The following SPMIP7 variants were observed in gnomAD, a reference collection of about 807,000 sequenced individuals.
SPMIP7 encodes the protein sperm microtubule inner protein 7.
chr7:50,096,952 G>A, the SPMIP7 span, among the ~76,000 whole-genome samples: 1 of 152,144 alleles, frequency 6.6e-6, no homozygotes, highest in African/African-American at 2.4e-5. Context: ...TAATTGTATA[G>A]AAATCCTCCT....
the SPMIP7 span, among the ~76,000 whole-genome samples, chr7:50,148,056 C>A: frequency 2.0e-5 from 3 of 152,310 alleles, no homozygotes; most frequent in African/African-American, 7.2e-5. Flanking sequence ...CTATCAGCAG[C>A]AGTCTAAAGT....
At chr7:50,147,988 C>T in the SPMIP7 span, among the ~76,000 whole-genome samples, 50 of 152,310 alleles carry the variant, frequency 3.3e-4, no homozygotes, top group Non-Finnish European at 5.4e-4. Context: ...CATTTCCCGG[C>T]TTGTATGTTT....
the SPMIP7 span, chr7:50,158,999 T>C: frequency 1.2e-5 from 19 of 1,541,060 alleles, no homozygotes; most frequent in East Asian, 2.5e-5. Flanking sequence ...TATTTGTACA[T>C]GTCTTTTATG....
chr7:50,121,461 C>T, the SPMIP7 span: 1 of 152,158 alleles, frequency 6.6e-6, no homozygotes, highest in African/African-American at 2.4e-5. Context: ...AGATGTTAAA[C>T]TAAGGCAAAC....
At chr7:50,096,146 T>G in the SPMIP7 span, 18 of 1,547,978 alleles carry the variant, frequency 1.2e-5, no homozygotes, top group African/African-American at 4.1e-5. Context: ...GTCCATCCTT[T>G]CAGGAACTGT....
the SPMIP7 span, among the ~76,000 whole-genome samples, chr7:50,098,674 A>C: frequency 6.6e-6 from 1 of 152,206 alleles, no homozygotes; most frequent in Non-Finnish European, 1.5e-5. Context: ...TTTTCCTTGC[A>C]TCCTCAGAGA....
chr7:50,115,401 C>T, the SPMIP7 span, among the ~76,000 whole-genome samples: 1 of 151,474 alleles, frequency 6.6e-6, no homozygotes, highest in Admixed American at 6.6e-5. Flanking sequence ...GAAAGGTAGA[C>T]AGAAAAAAAG....
At chr7:50,122,851 T>C in the SPMIP7 span, among the ~76,000 whole-genome samples, 2 of 152,054 alleles carry the variant, frequency 1.3e-5, no homozygotes, top group Non-Finnish European at 2.9e-5. Flanking sequence ...CAAATGCAAA[T>C]CAAAACCACA....
the SPMIP7 span, among the ~76,000 whole-genome samples, chr7:50,098,839 G>GGA: frequency 4.2e-4 from 2 of 4,818 alleles, no homozygotes; most frequent in African/African-American, 1.2e-3. Flanking sequence ...ACACGAATCT[G>GGA]GGGGGATACA....
At chr7:50,096,503 C>A in the SPMIP7 span, 1 of 1,551,784 alleles carries the variant, frequency 6.4e-7, no homozygotes, top group African/African-American at 1.4e-5. Flanking sequence ...GAAACCTCAA[C>A]ATCGAGTTCC....
the SPMIP7 span, among the ~76,000 whole-genome samples, chr7:50,150,176 G>T: frequency 1.9e-3 from 292 of 152,306 alleles, no homozygotes; most frequent in African/African-American, 6.6e-3. Flanking sequence ...CGTGTGGGAA[G>T]GTCATGGATA....
At chr7:50,135,763 AG>A in the SPMIP7 span, among the ~76,000 whole-genome samples, 1 of 152,318 alleles carries the variant, frequency 6.6e-6, no homozygotes, top group South Asian at 2.1e-4. Context: ...GGGTTTGCAG[AG>A]GGTAGACTAC....
the SPMIP7 span, among the ~76,000 whole-genome samples, chr7:50,104,839 C>T: frequency 1.3e-5 from 2 of 152,322 alleles, no homozygotes; most frequent in African/African-American, 4.8e-5. Context: ...TCTCCAGCTG[C>T]ATTCTCACTA....
At chr7:50,140,148 C>T in the SPMIP7 span, 1 of 1,503,826 alleles carries the variant, frequency 6.6e-7, no homozygotes, top group Non-Finnish European at 8.9e-7. Context: ...AGTGTGAGTT[C>T]AAGTTCTAGA....
chr7:50,143,176 T>C, the SPMIP7 span, among the ~76,000 whole-genome samples: 4 of 150,608 alleles, frequency 2.7e-5, no homozygotes, highest in South Asian at 4.3e-4. Context: ...TTTTTTTTTT[T>C]TTTTTGAGAC....
At chr7:50,139,012 A>C in the SPMIP7 span, among the ~76,000 whole-genome samples, 1 of 152,206 alleles carries the variant, frequency 6.6e-6, no homozygotes, top group Non-Finnish European at 1.5e-5. Context: ...CCAACGTGTA[A>C]ATTGAATGGT....
the SPMIP7 span, chr7:50,151,602 G>A: frequency 1.6e-6 from 2 of 1,286,944 alleles, no homozygotes; most frequent in Admixed American, 4.3e-5. Context: ...TACATTAGGA[G>A]GGGAAATCCT....
the SPMIP7 span, among the ~76,000 whole-genome samples, chr7:50,106,173 A>G: frequency 1.3e-5 from 2 of 152,220 alleles, no homozygotes; most frequent in African/African-American, 4.8e-5. Flanking sequence ...CTAATAAGGT[A>G]GAGAGAAATT....
the SPMIP7 span, among the ~76,000 whole-genome samples, chr7:50,125,598 G>A: frequency 2.0e-5 from 3 of 150,100 alleles, no homozygotes; most frequent in Non-Finnish European, 1.5e-5. Context: ...GTGTGTGTGT[G>A]TGTGTGTGTG....
Sources: allele counts gnomAD v4.1 joint callset (sites outside exome capture counted in the v4.1 genomes callset), GRCh38; gene constraint gnomAD v4.1.1; transcripts MANE v1.5; gene names NCBI Gene and HGNC (gene_info 2026-07-23, HGNC 2026-07-21).